The following COL28A1 variants were observed in gnomAD, a reference collection of about 807,000 sequenced individuals.
COL28A1 encodes collagen alpha-1(XXVIII) chain.
In COL28A1, 161 loss-of-function variants were observed where a neutral mutation model predicts 150.2. The observed-to-expected ratio is 1.07, with a 90% CI of 0.94 to 1.22. The LOEUF (loss-of-function observed/expected upper bound fraction) is 1.22. Ranked by LOEUF, COL28A1 falls within the 50% of genes most tolerant of loss-of-function variation. The probability of loss-of-function intolerance (pLI) is 0.00; values close to 1 mark genes in which losing one functional copy is unlikely to be tolerated. For synonymous variants in COL28A1, 552 were observed against 469.7 expected (o/e 1.18, Z -2.26); for missense variants, 1,617 against 1,388.3 (o/e 1.16, Z -2.62).
intron 27 of COL28A1, among the ~76,000 whole-genome samples, chr7:7,383,680 G>GTA (rs1366244976): frequency 1.9e-4 from 9 of 46,388 alleles, no homozygotes; most frequent in East Asian, 1.6e-3. Flanking sequence ...GTGTGTGTGT[G>GTA]TGTATATATA....
the COL28A1 span, among the ~76,000 whole-genome samples, chr7:7,347,406 A>C: frequency 6.6e-6 from 1 of 152,086 alleles, no homozygotes; most frequent in Non-Finnish European, 1.5e-5. Flanking sequence ...TTTTATTGCT[A>C]TATTTCTAAA....
At chr7:7,447,373 A>C (rs886261818) in intron 18 of COL28A1, among the ~76,000 whole-genome samples, 4 of 152,098 alleles carry the variant, frequency 2.6e-5, no homozygotes, top group Admixed American at 1.3e-4. Context: ...GAGCCCAAGA[A>C]TTCAAAGCAA....
intron 27 of COL28A1, among the ~76,000 whole-genome samples, chr7:7,386,931 A>T (rs76369477): frequency 6.6e-6 from 1 of 152,168 alleles, no homozygotes; most frequent in Non-Finnish European, 1.5e-5. Flanking sequence ...GTGTCTGGTG[A>T]GGGTCCATTT....
chr7:7,428,545 C>T (rs571761913), intron 25 of COL28A1, among the ~76,000 whole-genome samples: 1 of 152,298 alleles, frequency 6.6e-6, no homozygotes, highest in African/African-American at 2.4e-5. Flanking sequence ...TGCAGCTCCT[C>T]GAAGAGAAAT....
intron 15 of COL28A1, among the ~76,000 whole-genome samples, chr7:7,463,006 A>T (rs1381716048): frequency 6.6e-6 from 1 of 152,084 alleles, no homozygotes; most frequent in African/African-American, 2.4e-5. Context: ...AGAAAATATG[A>T]ACAAAGCCTC....
chr7:7,521,192 G>A (rs1781704636), intron 5 of COL28A1, among the ~76,000 whole-genome samples: 1 of 152,162 alleles, frequency 6.6e-6, no homozygotes, highest in Non-Finnish European at 1.5e-5. Context: ...GACTGAATGA[G>A]CACGTGAATG....
At chr7:7,417,733 G>A (rs2128307288) in intron 27 of COL28A1, 126 bp downstream of exon 27, 2 of 757,580 alleles carry the variant, frequency 2.6e-6, no homozygotes, top group Non-Finnish European at 2.3e-6. Context: ...AACACTGGAT[G>A]CCATTTAACT....
intron 27 of COL28A1, among the ~76,000 whole-genome samples, chr7:7,389,395 T>A (rs760444486): frequency 2.0e-5 from 3 of 152,224 alleles, no homozygotes; most frequent in Non-Finnish European, 4.4e-5. Flanking sequence ...TTTGGGTTAC[T>A]GTAGCCTCAT....
chr7:7,372,389 C>T (rs1781278080), intron 32 of COL28A1, among the ~76,000 whole-genome samples: 1 of 142,176 alleles, frequency 7.0e-6, no homozygotes, highest in South Asian at 2.2e-4. Context: ...CAGAGTGAGA[C>T]TCCGTCTCAA....
intron 27 of COL28A1, among the ~76,000 whole-genome samples, chr7:7,387,281 G>C (rs76989716): frequency 6.6e-6 from 1 of 152,020 alleles, no homozygotes; most frequent in African/African-American, 2.4e-5. Context: ...ATGCCTCCTC[G>C]TACGGGTTTG....
At chr7:7,370,159 G>C (rs1172707130) in intron 33 of COL28A1, among the ~76,000 whole-genome samples, 1 of 152,186 alleles carries the variant, frequency 6.6e-6, no homozygotes, top group Non-Finnish European at 1.5e-5. Flanking sequence ...CTATGTGATT[G>C]AGGAGCTCTG....
chr7:7,529,498 G>T (rs921854273), intron 3 of COL28A1, among the ~76,000 whole-genome samples: 1 of 152,128 alleles, frequency 6.6e-6, no homozygotes, highest in African/African-American at 2.4e-5. Context: ...AAACAAACAA[G>T]CTGAAGTCGC....
chr7:7,444,041 T>G (rs937581523), intron 19 of COL28A1, among the ~76,000 whole-genome samples: 4 of 145,728 alleles, frequency 2.7e-5, no homozygotes, highest in Non-Finnish European at 4.5e-5. Flanking sequence ...ATTTCAAATG[T>G]CAACACAAAA....
intron 25 of COL28A1, among the ~76,000 whole-genome samples, chr7:7,428,013 T>TC (rs1784740590): frequency 1.3e-5 from 2 of 152,224 alleles, no homozygotes; most frequent in Non-Finnish European, 2.9e-5. Context: ...CAAAAATGTT[T>TC]CTATTGTAAA....
intron 18 of COL28A1, among the ~76,000 whole-genome samples, chr7:7,445,512 C>T (rs1371001315): frequency 6.6e-6 from 1 of 152,196 alleles, no homozygotes; most frequent in Non-Finnish European, 1.5e-5. Context: ...TTTCTTACAT[C>T]AGCTCTAGAA....
chr7:7,382,772 G>T (rs1781941284), intron 27 of COL28A1, among the ~76,000 whole-genome samples: 1 of 151,846 alleles, frequency 6.6e-6, no homozygotes, highest in Non-Finnish European at 1.5e-5. Context: ...CATCTCCCAG[G>T]CCCAACCTCA....
At chr7:7,495,213 A>G (rs970768333) in intron 11 of COL28A1, among the ~76,000 whole-genome samples, 1 of 152,176 alleles carries the variant, frequency 6.6e-6, no homozygotes, top group South Asian at 2.1e-4. Context: ...TAAAGTATTA[A>G]TTATTTTTTT....
chr7:7,365,286 C>T (rs1181644039), intron 33 of COL28A1, among the ~76,000 whole-genome samples: 104 of 44,942 alleles, frequency 2.3e-3, no homozygotes, highest in Non-Finnish European at 2.4e-4. Flanking sequence ...CACAAGCTTG[C>T]CTGTCAACTC....
intron 31 of COL28A1, among the ~76,000 whole-genome samples, chr7:7,374,038 A>AAAAAAAAAAAATATATATAT: frequency 9.7e-5 from 11 of 113,628 alleles, no homozygotes; most frequent in African/African-American, 4.2e-4. Flanking sequence ...AAAAAAAAAA[A>AAAAAAAAAAAATATATATAT]ATATATATAT....
Sources: allele counts gnomAD v4.1 joint callset (sites outside exome capture counted in the v4.1 genomes callset), GRCh38; gene constraint gnomAD v4.1.1; transcripts MANE v1.5; gene names NCBI Gene and HGNC (gene_info 2026-07-23, HGNC 2026-07-21).